CCDC122: variants seen among roughly 807,000 people sequenced by gnomAD.
CCDC122 encodes coiled-coil domain-containing protein 122.
CCDC122 carries 38 observed loss-of-function variants against 37.0 expected under a neutral mutation model. The observed-to-expected ratio is 1.03, with a 90% CI of 0.79 to 1.35. CCDC122 has a LOEUF of 1.35. Among genes scored for constraint, CCDC122 ranks in the 40% most tolerant of loss-of-function variants. CCDC122 has a pLI of 0.00. For missense variants in CCDC122, 305 were observed against 310.0 expected, an observed-to-expected ratio of 0.98 and a Z score of 0.12; for synonymous variants, 83 against 95.6, an observed-to-expected ratio of 0.87 and a Z score of 0.77.
intron 6 of CCDC122, chr13:43,856,054 C>A (rs1347601387): frequency 1.3e-5 from 2 of 152,118 alleles, no homozygotes; most frequent in Non-Finnish European, 2.9e-5. Flanking sequence ...ATGTCCTTTG[C>A]AGGAACATGA....
At chr13:43,833,675 G>A (rs1440079350), downstream of CCDC122, among the ~76,000 whole-genome samples, 1 of 152,160 alleles carries the variant, frequency 6.6e-6, no homozygotes, top group Non-Finnish European at 1.5e-5. Context: ...ACAGACTCAC[G>A]ATGATCCTAA....
At chr13:43,856,791 G>C (rs967504559) in intron 6 of CCDC122, among the ~76,000 whole-genome samples, 5 of 152,068 alleles carry the variant, frequency 3.3e-5, no homozygotes, top group Non-Finnish European at 7.4e-5. Context: ...TTGATAAAAA[G>C]GGTAGAAGAG....
intron 3 of CCDC122, among the ~76,000 whole-genome samples, chr13:43,826,866 G>A (rs9533638): frequency 0.15 from 23,233 of 152,042 alleles, 1,925 homozygotes; most frequent in South Asian, 0.24. Flanking sequence ...TCATAATCAT[G>A]CATAGTCATA....
intron 6 of CCDC122, among the ~76,000 whole-genome samples, chr13:43,848,374 C>T (rs762198687): frequency 6.6e-6 from 1 of 152,148 alleles, no homozygotes; most frequent in Non-Finnish European, 1.5e-5. Flanking sequence ...TTCTCAACTG[C>T]TCCAGTGTCC....
chr13:43,848,888 A>T (rs1164062666), intron 6 of CCDC122: 8 of 980,692 alleles, frequency 8.2e-6, no homozygotes, highest in Non-Finnish European at 9.7e-6. Context: ...CAGAAGAGAT[A>T]GAAAAAAGAC....
intron 6 of CCDC122, among the ~76,000 whole-genome samples, chr13:43,850,074 T>C (rs1466005): frequency 0.37 from 56,894 of 152,012 alleles, 10,887 homozygotes; most frequent in East Asian, 0.49. Context: ...CTGGAGGCCA[T>C]GTTAGGAGTA....
chr13:43,879,491 T>A (rs904934637), intron 1 of CCDC122, 140 bp downstream of exon 1: 1 of 152,360 alleles, frequency 6.6e-6, no homozygotes, highest in African/African-American at 2.4e-5. Flanking sequence ...GGCTGCGGGA[T>A]GCCGACTCCG....
intron 3 of CCDC122, among the ~76,000 whole-genome samples, chr13:43,828,802 A>G (rs962997552): frequency 1.3e-5 from 2 of 152,162 alleles, no homozygotes; most frequent in African/African-American, 4.8e-5. Context: ...TAGTTCTTTA[A>G]AAGTTGATAT....
At position 43,837,177 on chromosome 13, in the gene CCDC122, T is replaced by C. The variant is rs1248845018; in HGVS notation, c.*103A>G. Reference sequence around the variant, plus strand: ...GACATCTGTCATTAAGACAGGTCTCTAATAGTGGATGCTTGTTATTAAGAA... The same window carrying C: ...GACATCTGTCATTAAGACAGGTCTCCAATAGTGGATGCTTGTTATTAAGAA... On this transcript the variant is annotated 3_prime_UTR_variant, in exon 7 of 7. Transcript: ENST00000444614. The C allele has an allele frequency of 8.7e-7, 1 of 1,154,884 alleles. No homozygotes were observed. The highest frequency in any genetic ancestry group is 1.2e-6 in the Non-Finnish European group (1 of 815,904). 71.5% of individuals were successfully genotyped at this position (1,154,884 alleles called of 1,614,324 possible). A position where few individuals can be genotyped will look rare whatever the true frequency, so the allele number is the denominator to read the frequency against.
rs534257868 is a variant in CCDC122, at chr13:43,874,912, T to C, written c.-184A>G. On this transcript the variant is annotated 5_prime_UTR_variant, in exon 2 of 7. Coordinates refer to ENST00000444614, the MANE Select transcript of CCDC122 (RefSeq NM_144974.5). Reference sequence around the variant, plus strand: ...TTCCTTTTCTGGCCAGGCAATGAGATTAGAGTTTCAGGGCACTGAAAAAGA... The same window carrying C: ...TTCCTTTTCTGGCCAGGCAATGAGACTAGAGTTTCAGGGCACTGAAAAAGA... The C allele has an allele frequency of 1.3e-5, 2 of 152,318 alleles. No homozygotes were observed. The highest frequency in any genetic ancestry group is 1.9e-4 in the East Asian group (1 of 5,220). The allele number at this position is 152,318 out of a possible 1,614,324, so 9.4% of individuals were successfully genotyped here. A position where few individuals can be genotyped will look rare whatever the true frequency, so the allele number is the denominator to read the frequency against.
intron 6 of CCDC122, chr13:43,856,705 A>G (rs1953922032): frequency 6.6e-6 from 1 of 152,478 alleles, no homozygotes; most frequent in African/African-American, 2.4e-5. Flanking sequence ...AGGATATCTG[A>G]CAAAAATCGG....
At chr13:43,840,910 G>A (rs1279518637) in intron 6 of CCDC122, among the ~76,000 whole-genome samples, 1 of 152,144 alleles carries the variant, frequency 6.6e-6, no homozygotes, top group Non-Finnish European at 1.5e-5. Context: ...GTAATGGGAT[G>A]GCTGGGTCAA....
intron 6 of CCDC122, among the ~76,000 whole-genome samples, chr13:43,850,846 T>C (rs1953703506): frequency 6.6e-6 from 1 of 152,076 alleles, no homozygotes; most frequent in Non-Finnish European, 1.5e-5. Flanking sequence ...AAAAAGGATA[T>C]ATGCAAAGAA....
chr13:43,823,682 G>A (rs550714047), downstream of CCDC122, among the ~76,000 whole-genome samples: 4 of 152,340 alleles, frequency 2.6e-5, no homozygotes, highest in Non-Finnish European at 4.4e-5. Context: ...TCCTCCATGC[G>A]TGGGCGCTAG....
At position 43,869,433 on chromosome 13, in the gene CCDC122, A is replaced by C; in HGVS notation, c.-57T>G. On this transcript the variant is annotated 5_prime_UTR_variant, in exon 3 of 7. In the 5' UTR this introduces an upstream ATG that the reference lacks. Transcript: ENST00000444614. ...TGATTTACCTTCTTTACTCCTACTC[A>C]ATAATCTATATTGATAATCTTTCAC... 1 of 1,348,056 alleles carries C rather than the reference A, an allele frequency of 7.4e-7. No homozygotes were observed. The highest frequency in any genetic ancestry group is 1.0e-6 in the Non-Finnish European group (1 of 957,296). 83.5% of individuals were successfully genotyped at this position (1,348,056 alleles called of 1,614,324 possible). A position where few individuals can be genotyped will look rare whatever the true frequency, so the allele number is the denominator to read the frequency against.
intron 1 of CCDC122, among the ~76,000 whole-genome samples, chr13:43,877,208 G>C (rs2138191285): frequency 6.6e-6 from 1 of 152,308 alleles, no homozygotes; most frequent in South Asian, 2.1e-4. Flanking sequence ...GGAAATCTTA[G>C]CTGATGGTTT....
At position 43,859,751 on chromosome 13, in the gene CCDC122, A is replaced by T; in HGVS notation, c.476T>A (p.Val159Asp). 6.3e-7 allele frequency: 1 copy of T among 1,597,612 alleles called. No homozygotes were observed. The highest frequency in any genetic ancestry group is 8.5e-7 in the Non-Finnish European group (1 of 1,175,408). The change falls in exon 5 of 7, where the codon GTT (valine) becomes GAT (aspartate). Residue 159 changes from valine (V) to aspartate (D), a missense_variant. Coordinates refer to ENST00000444614, the MANE Select transcript of CCDC122 (RefSeq NM_144974.5). Reference sequence around the variant, plus strand: ...TTCTTTCATTGTCTTTAATTTTTTAACAAAATCTCGCTTTTCATGGAGTTC... The same window carrying T: ...TTCTTTCATTGTCTTTAATTTTTTATCAAAATCTCGCTTTTCATGGAGTTC... ...MTELHEKRDF[V>D]KKLKTMKEEL...
At chr13:43,871,895 C>G (rs1954463739) in intron 2 of CCDC122, among the ~76,000 whole-genome samples, 1 of 152,104 alleles carries the variant, frequency 6.6e-6, no homozygotes, top group African/African-American at 2.4e-5. Context: ...CTGTTATCAG[C>G]TGTCTTACAG....
intron 2 of CCDC122, among the ~76,000 whole-genome samples, chr13:43,871,538 A>G (rs1202028933): frequency 6.6e-6 from 1 of 152,124 alleles, no homozygotes; most frequent in East Asian, 1.9e-4. Context: ...ATTCTTCATC[A>G]TAAGAACCCA....
Sources: allele counts gnomAD v4.1 joint callset (sites outside exome capture counted in the v4.1 genomes callset), GRCh38; gene constraint gnomAD v4.1.1; transcripts MANE v1.5; gene names NCBI Gene and HGNC (gene_info 2026-07-23, HGNC 2026-07-21).